The following EXOC4 variants were observed in gnomAD, a reference collection of about 807,000 sequenced individuals.
The protein encoded by EXOC4 is exocyst complex component 4.
EXOC4 carries 71 observed loss-of-function variants against 107.2 expected under a neutral mutation model. The ratio of observed to expected loss-of-function variants is 0.66; its 90% CI spans 0.55 to 0.81. The LOEUF (loss-of-function observed/expected upper bound fraction) is 0.81, where lower values mean the gene tolerates loss of function less well. Ranked by LOEUF, EXOC4 falls within the 30% of genes least tolerant of loss-of-function variation. EXOC4 has a pLI of 0.00. For synonymous variants in EXOC4, 456 were observed against 441.2 expected (o/e 1.03, Z -0.42); for missense variants, 1,108 against 1,189.6 (o/e 0.93, Z 1.01).
chr7:133,699,207 G>A (rs1794603413), intron 10 of EXOC4, among the ~76,000 whole-genome samples: 1 of 151,814 alleles, frequency 6.6e-6, no homozygotes, highest in Non-Finnish European at 1.5e-5. Context: ...TTTTGCTCCT[G>A]GAGCAAATTG....
chr7:133,305,824 T>G, intron 3 of EXOC4, 53 bp from the exon 4 acceptor site: 1 of 1,417,852 alleles, frequency 7.1e-7, no homozygotes, highest in Non-Finnish European at 9.5e-7. Flanking sequence ...ATTTATAATA[T>G]TGCCAGGTTA....
intron 9 of EXOC4, among the ~76,000 whole-genome samples, chr7:133,515,728 C>G (rs549506737): frequency 6.6e-6 from 1 of 152,254 alleles, no homozygotes; most frequent in Admixed American, 6.5e-5. Context: ...CTTGGCCTCC[C>G]AAAGTGCTGG....
intron 10 of EXOC4, among the ~76,000 whole-genome samples, chr7:133,698,898 T>C (rs1794596156): frequency 6.6e-6 from 1 of 152,138 alleles, no homozygotes; most frequent in South Asian, 2.1e-4. Context: ...ATTATGAAAA[T>C]GAAAAAGTAG....
chr7:133,661,454 A>G (rs935483438), intron 10 of EXOC4, among the ~76,000 whole-genome samples: 18 of 152,144 alleles, frequency 1.2e-4, no homozygotes, highest in African/African-American at 4.3e-4. Flanking sequence ...TACAAAGAAT[A>G]CAGAAAACTC....
At chr7:133,669,141 A>G (rs1330951287) in intron 10 of EXOC4, among the ~76,000 whole-genome samples, 2 of 151,468 alleles carry the variant, frequency 1.3e-5, no homozygotes, top group African/African-American at 2.4e-5. Flanking sequence ...TACCACTACC[A>G]GCACACCAAT....
intron 7 of EXOC4, among the ~76,000 whole-genome samples, chr7:133,472,547 T>C (rs1798904321): frequency 6.6e-6 from 1 of 152,196 alleles, no homozygotes; most frequent in Non-Finnish European, 1.5e-5. Context: ...GAGTTGGTTT[T>C]CTTAGTGAAA....
chr7:133,549,508 G>T (rs1020168240), intron 9 of EXOC4, among the ~76,000 whole-genome samples: 4 of 152,092 alleles, frequency 2.6e-5, no homozygotes, highest in Admixed American at 2.6e-4. Context: ...TATGAGTGTG[G>T]TTCGTGGTGC....
intron 17 of EXOC4, among the ~76,000 whole-genome samples, chr7:134,022,379 G>A (rs778770399): frequency 9.9e-5 from 15 of 152,044 alleles, no homozygotes; most frequent in African/African-American, 3.4e-4. Context: ...GTTAAGTTTC[G>A]TAGCTATTGG....
chr7:133,619,884 C>G (rs1418242353), intron 9 of EXOC4, among the ~76,000 whole-genome samples: 1 of 152,152 alleles, frequency 6.6e-6, no homozygotes, highest in Non-Finnish European at 1.5e-5. Flanking sequence ...TTGACATACA[C>G]AAGACCACCC....
chr7:133,820,043 T>C (rs1222016231), intron 11 of EXOC4, among the ~76,000 whole-genome samples: 1 of 152,156 alleles, frequency 6.6e-6, no homozygotes, highest in Non-Finnish European at 1.5e-5. Flanking sequence ...ACCTGTTCTC[T>C]CTTTGACCTT....
intron 10 of EXOC4, among the ~76,000 whole-genome samples, chr7:133,670,437 GCT>G (rs773603982): frequency 2.2e-4 from 34 of 152,326 alleles, no homozygotes; most frequent in Admixed American, 3.9e-4. Context: ...GTGACTGCAT[GCT>G]CTTGGCCTAT....
intron 17 of EXOC4, among the ~76,000 whole-genome samples, chr7:134,038,720 A>G (rs1795449480): frequency 2.0e-5 from 3 of 152,172 alleles, no homozygotes; most frequent in South Asian, 4.1e-4. Context: ...AGAGTGCTTG[A>G]GGCCTAGACC....
At chr7:133,921,741 A>C (rs973772686) in intron 13 of EXOC4, among the ~76,000 whole-genome samples, 2 of 152,154 alleles carry the variant, frequency 1.3e-5, no homozygotes, top group Admixed American at 6.5e-5. Context: ...ATTGATTTGG[A>C]GTAATTTTCA....
chr7:133,483,932 C>T (rs1584951930), intron 9 of EXOC4: 5 of 1,141,350 alleles, frequency 4.4e-6, no homozygotes, highest in East Asian at 2.3e-5. Flanking sequence ...TCAGTCAAAC[C>T]GTAAGAGACT....
chr7:133,775,969 C>A (rs1796337262), intron 10 of EXOC4, among the ~76,000 whole-genome samples: 1 of 152,168 alleles, frequency 6.6e-6, no homozygotes, highest in African/African-American at 2.4e-5. Context: ...CATCTATCTT[C>A]TTTTTACTTA....
chr7:133,600,504 GC>G (rs759362039), intron 9 of EXOC4, among the ~76,000 whole-genome samples: 56 of 152,156 alleles, frequency 3.7e-4, no homozygotes, highest in Non-Finnish European at 7.3e-4. Flanking sequence ...TCACCTAGGT[GC>G]AGTGTACCCT....
intron 10 of EXOC4, among the ~76,000 whole-genome samples, chr7:133,692,609 C>T (rs1044573113): frequency 6.6e-6 from 1 of 152,194 alleles, no homozygotes; most frequent in Admixed American, 6.5e-5. Flanking sequence ...ATCTCCCCTT[C>T]CAATGAATCA....
At chr7:133,552,763 C>A (rs1352319571) in intron 9 of EXOC4, among the ~76,000 whole-genome samples, 1 of 152,106 alleles carries the variant, frequency 6.6e-6, no homozygotes, top group African/African-American at 2.4e-5. Flanking sequence ...GTATCTGGTG[C>A]AAAGTACAAA....
chr7:133,457,702 A>C (rs762187667), intron 7 of EXOC4, among the ~76,000 whole-genome samples: 1 of 152,148 alleles, frequency 6.6e-6, no homozygotes, highest in Non-Finnish European at 1.5e-5. Flanking sequence ...TGGCAGAGAC[A>C]TTTTCTGAAA....
Sources: gnomAD v4.1 joint callset for allele counts (sites outside exome capture counted in the v4.1 genomes callset) on GRCh38, gnomAD v4.1.1 for gene constraint, MANE v1.5 for transcripts, NCBI Gene and HGNC (gene_info 2026-07-23, HGNC 2026-07-21) for gene names.